CDK14: variants seen among roughly 807,000 people sequenced by gnomAD.
CDK14 encodes cyclin dependent kinase 14, also known as cyclin-dependent kinase 14.
In CDK14, 34 loss-of-function variants were observed where a neutral mutation model predicts 60.7. The observed-to-expected ratio is 0.56, with a 90% confidence interval of 0.43 to 0.75. CDK14 has a LOEUF of 0.75. CDK14 is among the 30% of genes least tolerant of loss of function. The pLI, the probability that CDK14 is intolerant of heterozygous loss-of-function variation, is 0.00. For missense variants in CDK14, 482 were observed against 564.1 expected (o/e 0.85, Z 1.47); for synonymous variants, 197 against 203.7 (o/e 0.97, Z 0.28).
At chr7:90,811,033 C>T (rs1164072705) in intron 5 of CDK14, among the ~76,000 whole-genome samples, 1 of 152,148 alleles carries the variant, frequency 6.6e-6, no homozygotes, top group Non-Finnish European at 1.5e-5. Context: ...TGAGAATGGC[C>T]ATACTGCCCA....
At chr7:90,974,441 A>G (rs1420284155) in intron 9 of CDK14, among the ~76,000 whole-genome samples, 2 of 152,188 alleles carry the variant, frequency 1.3e-5, no homozygotes, top group East Asian at 3.9e-4. Context: ...AATTTGGGTA[A>G]CTAATAAATG....
intron 2 of CDK14, among the ~76,000 whole-genome samples, chr7:90,662,488 A>AT (rs2116507015): frequency 6.6e-6 from 1 of 152,350 alleles, no homozygotes; most frequent in South Asian, 2.1e-4. Flanking sequence ...TTTCATTTGA[A>AT]TACTTCATTG....
intron 2 of CDK14, among the ~76,000 whole-genome samples, chr7:90,695,172 C>G (rs1376489947): frequency 6.6e-6 from 1 of 152,114 alleles, no homozygotes; most frequent in Non-Finnish European, 1.5e-5. Context: ...TCCTTGTCCC[C>G]CACTTTCCCC....
chr7:91,201,995 G>A (rs2116001565), intron 14 of CDK14, among the ~76,000 whole-genome samples: 1 of 152,210 alleles, frequency 6.6e-6, no homozygotes, highest in East Asian at 1.9e-4. Context: ...TTGGTGGCGG[G>A]TATGAGATGA....
Position 90,672,502 on chromosome 7 carries a change from GTTTTTTTTTTTTTT to G in CDK14, c.124-54044_124-54031del, listed in dbSNP as rs201978996. On this transcript the variant is annotated intron_variant, in intron 2 of 14. Transcript: ENST00000380050. ...CCTATGCATCAGTGCTTCTTCTTCT[GTTTTTTTTTTTTTT>G]TTTTTTTTTTTTTTTTTTTTAATAA... 1.1e-3 allele frequency among the ~76,000 whole-genome samples: 53 copies of G among 49,998 alleles called. No individual in the cohort carries two copies. In the South Asian group the frequency reaches 0.026, roughly 24 times the overall value. 32.8% of individuals were successfully genotyped at this position (49,998 alleles called of 152,430 possible).
chr7:91,062,261 A>G (rs1797823373), intron 11 of CDK14, among the ~76,000 whole-genome samples: 1 of 152,192 alleles, frequency 6.6e-6, no homozygotes, highest in Non-Finnish European at 1.5e-5. Flanking sequence ...GCGCAGTATT[A>G]GGGTGGGAAT....
intron 4 of CDK14, among the ~76,000 whole-genome samples, chr7:90,757,960 A>C (rs975702195): frequency 6.6e-6 from 1 of 152,146 alleles, no homozygotes; most frequent in Non-Finnish European, 1.5e-5. Flanking sequence ...TAGAAGCTTG[A>C]GGAGGAATAG....
intron 3 of CDK14, among the ~76,000 whole-genome samples, chr7:90,730,464 T>C (rs1371949998): frequency 6.6e-6 from 1 of 152,210 alleles, no homozygotes; most frequent in Non-Finnish European, 1.5e-5. Flanking sequence ...TAATTTACAC[T>C]CCCACCAATA....
Position 90,726,832 on chromosome 7 carries a change from TTA to T in CDK14, c.369+22_369+23del. On this transcript the variant is annotated intron_variant, in intron 3 of 14. Coordinates refer to ENST00000380050, the MANE Select transcript of CDK14 (RefSeq NM_001287135.2). ...AGCTCGGTAAGTGCAGTCTTTTTGT[TTA>T]TCACTGGGTAAACAGAAGGAATAGC... 3 of 1,612,164 alleles carry T rather than the reference TTA, an allele frequency of 1.9e-6. No homozygotes were observed. Among genetic ancestry groups the T allele is most frequent in the Non-Finnish European group, 2.5e-6 (3 of 1,179,146 alleles).
At chr7:90,756,918 T>A (rs1330790327) in intron 4 of CDK14, among the ~76,000 whole-genome samples, 1 of 152,240 alleles carries the variant, frequency 6.6e-6, no homozygotes, top group Non-Finnish European at 1.5e-5. Context: ...TGTGTTGGTT[T>A]ACAGGTGTCA....
intron 2 of CDK14, among the ~76,000 whole-genome samples, chr7:90,677,417 CTTGTAGTAATT>C (rs1042125586): frequency 1.3e-5 from 2 of 152,144 alleles, no homozygotes; most frequent in African/African-American, 4.8e-5. Context: ...CTGCCAAAGT[CTTGTAGTAATT>C]TTCTCACTTT....
At chr7:91,125,984 T>C (rs753824062) in intron 14 of CDK14, among the ~76,000 whole-genome samples, 2 of 152,184 alleles carry the variant, frequency 1.3e-5, no homozygotes, top group African/African-American at 2.4e-5. Flanking sequence ...GTGATTATAA[T>C]GTGCAATTAA....
chr7:90,605,730 T>C (rs1043260132), intron 2 of CDK14, among the ~76,000 whole-genome samples: 4 of 152,250 alleles, frequency 2.6e-5, no homozygotes, highest in African/African-American at 7.2e-5. Flanking sequence ...TTGAATGTTC[T>C]TGCTTCTTTC....
At chr7:90,623,430 T>C (rs1563019488) in intron 2 of CDK14, among the ~76,000 whole-genome samples, 1 of 152,160 alleles carries the variant, frequency 6.6e-6, no homozygotes, top group Non-Finnish European at 1.5e-5. Context: ...TGCATCTCTT[T>C]GGCAGGGTTG....
At chr7:90,986,136 C>T (rs1356725003) in intron 10 of CDK14, among the ~76,000 whole-genome samples, 1 of 151,974 alleles carries the variant, frequency 6.6e-6, no homozygotes, top group Non-Finnish European at 1.5e-5. Context: ...TTGTAATTAA[C>T]ACCTTTCAAT....
At chr7:91,036,766 C>A (rs1796946789) in intron 10 of CDK14, among the ~76,000 whole-genome samples, 1 of 152,088 alleles carries the variant, frequency 6.6e-6, no homozygotes, top group Non-Finnish European at 1.5e-5. Flanking sequence ...TTCTGTTCAA[C>A]AGTAGGCTAT....
Position 91,204,329 on chromosome 7 carries a change from G to GA in CDK14, c.*29-2832dup, listed in dbSNP as rs376187117. On this transcript the variant is annotated intron_variant, in intron 14 of 14. Coordinates refer to ENST00000380050, the MANE Select transcript of CDK14 (RefSeq NM_001287135.2). Reference sequence around the variant, plus strand: ...GGCTAAAACTATAAGACTCTTAGAAGAAAATATAGGGGTAAATCTTCATAA... The same window carrying GA: ...GGCTAAAACTATAAGACTCTTAGAAGAAAAATATAGGGGTAAATCTTCATAA... Among the ~76,000 whole-genome samples the GA allele has an allele frequency of 3.2e-4, 49 of 152,112 alleles. 1 individual carries two copies. The highest frequency in any genetic ancestry group is 9.9e-4 in the African/African-American group (41 of 41,500).
At chr7:90,815,966 A>G (rs1370903668) in intron 5 of CDK14, among the ~76,000 whole-genome samples, 3 of 152,138 alleles carry the variant, frequency 2.0e-5, no homozygotes. Flanking sequence ...CACCTAATGC[A>G]TGCGGGGCTT....
At chr7:90,893,811 T>C (rs1025723133) in intron 6 of CDK14, among the ~76,000 whole-genome samples, 2 of 152,192 alleles carry the variant, frequency 1.3e-5, no homozygotes, top group African/African-American at 4.8e-5. Flanking sequence ...TAGTACCTCT[T>C]GTTCCCTCTT....
Sources: gnomAD v4.1 joint callset for allele counts (sites outside exome capture counted in the v4.1 genomes callset) on GRCh38, gnomAD v4.1.1 for gene constraint, MANE v1.5 for transcripts, NCBI Gene and HGNC (gene_info 2026-07-23, HGNC 2026-07-21) for gene names.